The following MAD1L1 variants were observed in gnomAD, a reference collection of about 807,000 sequenced individuals.
MAD1L1 encodes mitotic spindle assembly checkpoint protein MAD1.
In MAD1L1, 95 loss-of-function variants were observed where a neutral mutation model predicts 96.9. The observed-to-expected ratio is 0.98, with a 90% CI of 0.83 to 1.16. The LOEUF (loss-of-function observed/expected upper bound fraction) is 1.16, where lower values mean the gene tolerates loss of function less well. Among genes scored for constraint, MAD1L1 ranks in the 50% most tolerant of loss-of-function variants. The probability of loss-of-function intolerance (pLI) is 0.00; values close to 1 mark genes in which losing one functional copy is unlikely to be tolerated. For missense variants in MAD1L1, 1,007 were observed against 954.4 expected (o/e 1.06, Z -0.73); for synonymous variants, 473 against 396.6 (o/e 1.19, Z -2.29).
chr7:2,060,507 TA>T (rs143650555), intron 12 of MAD1L1, among the ~76,000 whole-genome samples: 19,839 of 151,890 alleles, frequency 0.13, 1,859 homozygotes, highest in African/African-American at 0.26. Flanking sequence ...GAGACCGAGA[TA>T]ACGCTAATGT....
At chr7:1,998,276 T>G (rs1290192020) in intron 14 of MAD1L1, among the ~76,000 whole-genome samples, 1 of 151,962 alleles carries the variant, frequency 6.6e-6, no homozygotes, top group Non-Finnish European at 1.5e-5. Flanking sequence ...GAGCAGCTCC[T>G]CCAAAACCAC....
chr7:2,121,471 C>T (rs917467602), intron 11 of MAD1L1, among the ~76,000 whole-genome samples: 18 of 152,234 alleles, frequency 1.2e-4, no homozygotes, highest in Non-Finnish European at 2.5e-4. Flanking sequence ...AACAGAGTCC[C>T]GGTGGCCAGA....
At chr7:2,116,673 A>G (rs1335365609) in intron 11 of MAD1L1, among the ~76,000 whole-genome samples, 2 of 151,906 alleles carry the variant, frequency 1.3e-5, no homozygotes, top group African/African-American at 2.4e-5. Flanking sequence ...GCCCAGGTCC[A>G]TCGGACTGGA....
intron 18 of MAD1L1, among the ~76,000 whole-genome samples, chr7:1,858,719 G>A (rs151033206): frequency 1.2e-4 from 18 of 152,350 alleles, no homozygotes; most frequent in Middle Eastern, 6.8e-3. Flanking sequence ...ACACAGACAC[G>A]AGGCCCACAG....
intron 11 of MAD1L1, among the ~76,000 whole-genome samples, chr7:2,134,568 T>C (rs1032001910): frequency 1.3e-5 from 2 of 152,256 alleles, no homozygotes; most frequent in African/African-American, 4.8e-5. Context: ...AGAAAGCTTC[T>C]AGTTTCTTAC....
intron 11 of MAD1L1, among the ~76,000 whole-genome samples, chr7:2,070,014 C>T (rs1785050961): frequency 9.2e-6 from 1 of 108,160 alleles, no homozygotes; most frequent in Non-Finnish European, 2.3e-5. Context: ...CTCACTAGAC[C>T]CCTCTGCCAC....
At chr7:1,826,635 G>A (rs1472604429) in intron 18 of MAD1L1, among the ~76,000 whole-genome samples, 5 of 152,226 alleles carry the variant, frequency 3.3e-5, no homozygotes, top group African/African-American at 1.2e-4. Context: ...AAGAGGCCTC[G>A]CAGATGCTGC....
intron 17 of MAD1L1, among the ~76,000 whole-genome samples, chr7:1,925,537 G>A (rs919939425): frequency 2.0e-5 from 3 of 152,186 alleles, no homozygotes; most frequent in Non-Finnish European, 2.9e-5. Context: ...GATACAGAGA[G>A]CCAACTAACA....
At chr7:1,946,784 CAAAGCGGTCTT>C in intron 16 of MAD1L1, among the ~76,000 whole-genome samples, 1 of 152,374 alleles carries the variant, frequency 6.6e-6, no homozygotes, top group Middle Eastern at 3.4e-3. Flanking sequence ...CACCTTCAGA[CAAAGCGGTCTT>C]GGAGGGGTCT....
At chr7:1,994,648 G>A (rs529336330) in intron 14 of MAD1L1, among the ~76,000 whole-genome samples, 49 of 152,210 alleles carry the variant, frequency 3.2e-4, no homozygotes, top group African/African-American at 5.5e-4. Flanking sequence ...GCCACCGGGC[G>A]GAGCCTCGGG....
intron 11 of MAD1L1, among the ~76,000 whole-genome samples, chr7:2,105,618 C>G (rs1376259425): frequency 6.6e-6 from 1 of 152,136 alleles, no homozygotes; most frequent in African/African-American, 2.4e-5. Context: ...CTTGCCAAGG[C>G]CAGCCACGCA....
At chr7:2,077,101 G>A (rs971549057) in intron 11 of MAD1L1, among the ~76,000 whole-genome samples, 1 of 137,238 alleles carries the variant, frequency 7.3e-6, no homozygotes, top group African/African-American at 3.0e-5. Flanking sequence ...TGAGCCCGCG[G>A]CATGGTGAGC....
At chr7:2,173,083 T>C (rs1267411963) in intron 10 of MAD1L1, among the ~76,000 whole-genome samples, 3 of 152,238 alleles carry the variant, frequency 2.0e-5, no homozygotes, top group Non-Finnish European at 2.9e-5. Context: ...AGGCTTGTTA[T>C]GGCAAGCAGC....
intron 18 of MAD1L1, among the ~76,000 whole-genome samples, chr7:1,889,597 G>A (rs976400074): frequency 7.2e-5 from 11 of 152,198 alleles, no homozygotes; most frequent in African/African-American, 1.2e-4. Context: ...TCCCTGCAAC[G>A]CAGAGAGATG....
intron 11 of MAD1L1, among the ~76,000 whole-genome samples, chr7:2,124,657 C>T (rs4566938): frequency 1.3e-5 from 2 of 152,192 alleles, no homozygotes; most frequent in East Asian, 3.9e-4. Flanking sequence ...CTCCACGCCT[C>T]CCCAGGGGCA....
intron 17 of MAD1L1, among the ~76,000 whole-genome samples, chr7:1,916,157 G>C (rs1406017507): frequency 2.6e-5 from 4 of 152,178 alleles, no homozygotes; most frequent in African/African-American, 9.7e-5. Context: ...CACCGGGAGG[G>C]TGTGGGGCCC....
intron 11 of MAD1L1, among the ~76,000 whole-genome samples, chr7:2,098,627 G>A (rs542243908): frequency 2.6e-5 from 4 of 152,282 alleles, no homozygotes; most frequent in East Asian, 3.9e-4. Context: ...CGGCAGACAC[G>A]TCCATCCAGC....
intron 15 of MAD1L1, among the ~76,000 whole-genome samples, chr7:1,974,513 C>CA (rs1187533611): frequency 6.6e-6 from 1 of 152,098 alleles, no homozygotes; most frequent in Admixed American, 6.5e-5. Context: ...AAAGAATCCT[C>CA]AGAGAACAGA....
intron 11 of MAD1L1, among the ~76,000 whole-genome samples, chr7:2,113,018 C>G (rs1478887935): frequency 6.6e-6 from 1 of 152,088 alleles, no homozygotes; most frequent in Non-Finnish European, 1.5e-5. Context: ...GAGAAGGAAG[C>G]AACTGACACA....
Sources: gnomAD v4.1 joint callset for allele counts (sites outside exome capture counted in the v4.1 genomes callset) on GRCh38, gnomAD v4.1.1 for gene constraint, MANE v1.5 for transcripts, NCBI Gene and HGNC (gene_info 2026-07-23, HGNC 2026-07-21) for gene names.